The following LHX1 variants were observed in gnomAD, a reference collection of about 807,000 sequenced individuals.
LHX1 encodes LIM homeobox 1.
In LHX1, 9 loss-of-function variants were observed where a neutral mutation model predicts 34.1. That is an observed-to-expected ratio of 0.26 (90% CI 0.16 to 0.46). LHX1 has a LOEUF of 0.46. LHX1 is among the 20% of genes least tolerant of loss of function. LHX1 has a pLI of 1.00. For missense variants in LHX1, 446 were observed against 559.1 expected, an observed-to-expected ratio of 0.80 and a Z score of 2.04; for synonymous variants, 254 against 241.5, an observed-to-expected ratio of 1.05 and a Z score of -0.48.
intron 1 of LHX1, chr17:36,938,677 C>T (rs1426563538): frequency 2.0e-6 from 1 of 508,798 alleles, no homozygotes; most frequent in Admixed American, 3.2e-5. Flanking sequence ...GGCGTTGTAG[C>T]CCGGACTGCT....
chr17:36,941,877 C>A (rs900549040), intron 3 of LHX1, among the ~76,000 whole-genome samples: 19 of 152,260 alleles, frequency 1.2e-4, no homozygotes, highest in African/African-American at 4.6e-4. Context: ...GAGGCGTAGT[C>A]TCTATGTGTG....
At chr17:36,942,456 T>C in intron 4 of LHX1, 91 bp downstream of exon 4, 3 of 1,350,092 alleles carry the variant, frequency 2.2e-6, no homozygotes, top group Non-Finnish European at 3.1e-6. Context: ...CCTCGCTCTC[T>C]GTAAGCCACT....
upstream of LHX1, chr17:36,937,051 A>T (rs1444471708): frequency 3.5e-6 from 1 of 289,682 alleles, no homozygotes; most frequent in Non-Finnish European, 6.9e-6. Context: ...ACAAAAAAAA[A>T]AAAAGGAAGG....
intron 3 of LHX1, chr17:36,941,679 C>T (rs1414073586): frequency 2.0e-5 from 4 of 195,928 alleles, no homozygotes; most frequent in African/African-American, 2.4e-5. Flanking sequence ...AGTCGTGTGT[C>T]TGTGTCACTA....
chr17:36,942,580 C>A (rs1053834154), intron 4 of LHX1, among the ~76,000 whole-genome samples, 172 bp from the exon 5 acceptor site: 1 of 152,222 alleles, frequency 6.6e-6, no homozygotes, highest in Non-Finnish European at 1.5e-5. Context: ...GGGCAGCTCC[C>A]GGGCTTGCGC....
In LHX1 at chr17:36,940,692, C is replaced by T. The variant is rs1286392769; in HGVS notation, c.480C>T (p.Asn160=). 2.5e-6 allele frequency: 4 copies of T among 1,613,696 alleles called. No individual in the cohort carries two copies. Among genetic ancestry groups the T allele is most frequent in the African/African-American group, 2.7e-5 (2 of 74,946 alleles). Residue 160 remains asparagine (N), a synonymous_variant, in exon 3 of 5, where the codon AAC becomes AAT. Transcript: ENST00000614239. ...ACGCCAAGGACTCGGAGAGCGCCAA[C>T]GTGTCGGACAAGGAAGCGGGTAGCA... The part of the protein sequence containing the change: ...QDDAKDSESA[N]VSDKEAGSNE...
chr17:36,938,535 C>G (rs572598694), intron 1 of LHX1, 168 bp downstream of exon 1: 52 of 719,560 alleles, frequency 7.2e-5, no homozygotes, highest in Non-Finnish European at 1.1e-4. Context: ...GCGCTGGGAG[C>G]CCGGGACGCG....
chr17:36,942,063 A>T, intron 3 of LHX1, 137 bp from the exon 4 acceptor site: 1 of 807,488 alleles, frequency 1.2e-6, no homozygotes, highest in Non-Finnish European at 2.0e-6. Context: ...CACCGTCACC[A>T]CTACCCTACA....
In LHX1 at chr17:36,940,368, G is replaced by A. The variant is rs1446233046; in HGVS notation, c.249G>A (p.Val83=). Residue 83 remains valine, a synonymous_variant, in exon 2 of 5, where the codon GTG becomes GTA. Coordinates refer to ENST00000614239, the MANE Select transcript of LHX1 (RefSeq NM_005568.5). The part of the protein sequence containing the change: ...SDLVRRARSK[V]FHLNCFTCMM... ...TGGTGCGGAGAGCGCGGAGCAAAGTGTTTCACCTGAACTGCTTCACCTGCA... is the reference window on the plus strand; with the variant it reads ...TGGTGCGGAGAGCGCGGAGCAAAGTATTTCACCTGAACTGCTTCACCTGCA... The A allele has an allele frequency of 1.2e-6, 2 of 1,612,264 alleles. No homozygotes were observed. Among genetic ancestry groups the A allele is most frequent in the South Asian group, 2.2e-5 (2 of 90,846 alleles).
Position 36,942,971 on chromosome 17 carries a change from C to A in LHX1, c.1061C>A (p.Ser354Ter), listed in dbSNP as rs2070776780. The A allele has an allele frequency of 1.2e-6, 2 of 1,610,848 alleles. No homozygotes were observed. Among genetic ancestry groups the A allele is most frequent in the African/African-American group, 2.7e-5 (2 of 75,004 alleles). ...TDILAHPPGD[S>*]PSPEPSLPGP... ...ATCCTGGCGCACCCACCCGGGGACTCGCCCAGCCCCGAGCCCAGCCTGCCC... is the reference window on the plus strand; with the variant it reads ...ATCCTGGCGCACCCACCCGGGGACTAGCCCAGCCCCGAGCCCAGCCTGCCC... The change falls in exon 5 of 5, where the codon TCG becomes TAG. Residue 354 changes from serine (S) to a stop codon, truncating the protein, a stop_gained. Transcript: ENST00000614239. LOFTEE classifies it high-confidence loss of function.
rs553051781 is a variant in LHX1 at position 36,937,506 on chromosome 17, C to T, written c.-692C>T. 1.8e-4 allele frequency: 56 copies of T among 319,024 alleles called. No individual in the cohort carries two copies. The highest frequency in any genetic ancestry group is 2.9e-4 in the Non-Finnish European group (48 of 163,006). 19.8% of individuals were successfully genotyped at this position (319,024 alleles called of 1,614,324 possible). ...TCTTCCTCCTACCCTCCCCTCTTTC[C>T]CTTCTCCCGCGGTCGGCCCTCGCCC... On this transcript the variant is annotated 5_prime_UTR_variant, in exon 1 of 5. Transcript: ENST00000614239.
rs1429641570 is a variant in LHX1 at position 36,942,300 on chromosome 17, G to A, written c.776G>A (p.Arg259Gln). 2 of 1,593,734 alleles carry A rather than the reference G, an allele frequency of 1.3e-6. No individual in the cohort carries two copies. Among genetic ancestry groups the A allele is most frequent in the Non-Finnish European group, 1.7e-6 (2 of 1,171,674 alleles). Residue 259 changes from arginine (R) to glutamine (Q), a missense_variant, in exon 4 of 5, where the codon CGG becomes CAG. By Grantham distance (43) the Arg-to-Gln change is conservative (BLOSUM62 1). This residue lies in a region of LHX1 where 235 missense variants were observed against 224.4 expected (regional missense o/e 1.05). Transcript: ENST00000614239. Reference sequence around the variant, plus strand: ...TTCTTCCGCAGTCCGCGCCGGATGCGGCCGCTGGTGGACCGCCTGGAGCCG... The same window carrying A: ...TTCTTCCGCAGTCCGCGCCGGATGCAGCCGCTGGTGGACCGCCTGGAGCCG... ...HAFFRSPRRM[R>Q]PLVDRLEPGE...
At chr17:36,942,157 G>C (rs377551901) in intron 3 of LHX1, 43 bp from the exon 4 acceptor site, 220 of 1,555,942 alleles carry the variant, frequency 1.4e-4, no homozygotes, top group Non-Finnish European at 1.6e-4. Flanking sequence ...CCGGGGTCGG[G>C]GGTGGAGTCT....
intron 3 of LHX1, among the ~76,000 whole-genome samples, chr17:36,941,811 G>A (rs1597689774): frequency 1.3e-5 from 2 of 152,198 alleles, no homozygotes; most frequent in African/African-American, 4.8e-5. Flanking sequence ...TGGGGGGAGG[G>A]TTGCTGCAAG....
Sources: allele counts gnomAD v4.1 joint callset (sites outside exome capture counted in the v4.1 genomes callset), GRCh38; gene constraint gnomAD v4.1.1; regional missense constraint gnomAD v4.1.1; transcripts MANE v1.5; gene names NCBI Gene and HGNC (gene_info 2026-07-23, HGNC 2026-07-21).